TUSC3: variants seen among roughly 807,000 people sequenced by gnomAD.
The protein encoded by TUSC3 is dolichyl-diphosphooligosaccharide--protein glycosyltransferase subunit TUSC3.
TUSC3 carries 45 observed loss-of-function variants against 44.8 expected under a neutral mutation model. That is an observed-to-expected ratio of 1.00 (90% CI 0.79 to 1.29). The LOEUF (loss-of-function observed/expected upper bound fraction) is 1.29. Among genes scored for constraint, TUSC3 ranks in the 50% most tolerant of loss-of-function variants. The pLI is 0.00. For synonymous variants in TUSC3, 212 were observed against 152.9 expected (o/e 1.39, Z -2.85); for missense variants, 519 against 437.9 (o/e 1.19, Z -1.65).
At chr8:15,421,226 C>T (rs759274542) in intron 1 of TUSC3, among the ~76,000 whole-genome samples, 6 of 152,180 alleles carry the variant, frequency 3.9e-5, no homozygotes, top group South Asian at 2.1e-4. Flanking sequence ...GCCCCTGCAA[C>T]ATCCCCCTCA....
At chr8:15,762,798 C>T (rs1042661977) in intron 10 of TUSC3, among the ~76,000 whole-genome samples, 8 of 152,044 alleles carry the variant, frequency 5.3e-5, no homozygotes, top group Non-Finnish European at 1.2e-4. Flanking sequence ...TGCCACAGTT[C>T]ATGTACAGCT....
the TUSC3 span, among the ~76,000 whole-genome samples, chr8:15,845,004 A>G: frequency 1.3e-5 from 2 of 152,190 alleles, no homozygotes; most frequent in East Asian, 1.9e-4. Flanking sequence ...CAATAGAAAC[A>G]GCAGAACAGA....
chr8:15,505,876 G>GA (rs2129127612), intron 2 of TUSC3, among the ~76,000 whole-genome samples: 1 of 152,204 alleles, frequency 6.6e-6, no homozygotes, highest in South Asian at 2.1e-4. Flanking sequence ...CTTGGATACA[G>GA]AATCTCTGTA....
At chr8:15,511,559 A>G (rs890922423) in intron 2 of TUSC3, among the ~76,000 whole-genome samples, 1 of 152,162 alleles carries the variant, frequency 6.6e-6, no homozygotes, top group African/African-American at 2.4e-5. Flanking sequence ...CTAAATACAG[A>G]TAAATTTGAT....
chr8:15,567,301 GTTTC>G (rs1802712818), intron 1 of TUSC3, among the ~76,000 whole-genome samples: 1 of 152,088 alleles, frequency 6.6e-6, no homozygotes, highest in Non-Finnish European at 1.5e-5. Flanking sequence ...CTAACTTACT[GTTTC>G]TTTACTTAGC....
intron 1 of TUSC3, among the ~76,000 whole-genome samples, chr8:15,611,773 T>A (rs561548487): frequency 6.6e-6 from 1 of 152,200 alleles, no homozygotes; most frequent in South Asian, 2.1e-4. Flanking sequence ...GTGCTTAATC[T>A]CTGATTTTTT....
At chr8:15,696,768 C>A (rs546403181) in intron 6 of TUSC3, among the ~76,000 whole-genome samples, 1 of 152,218 alleles carries the variant, frequency 6.6e-6, no homozygotes, top group African/African-American at 2.4e-5. Flanking sequence ...TTGGTTATGT[C>A]TTTTCCTGGT....
intron 6 of TUSC3, among the ~76,000 whole-genome samples, chr8:15,696,277 A>T (rs1809160497): frequency 6.6e-6 from 1 of 152,192 alleles, no homozygotes; most frequent in Admixed American, 6.5e-5. Context: ...GCCAAGGTAC[A>T]GCTCGGGATG....
intron 2 of TUSC3, among the ~76,000 whole-genome samples, chr8:15,638,634 C>G (rs1406875799): frequency 1.3e-5 from 2 of 148,782 alleles, no homozygotes; most frequent in African/African-American, 4.9e-5. Flanking sequence ...CAAGTGATTC[C>G]CCTGCTGCAG....
At chr8:15,779,592 A>G in the TUSC3 span, among the ~76,000 whole-genome samples, 1 of 152,214 alleles carries the variant, frequency 6.6e-6, no homozygotes, top group Non-Finnish European at 1.5e-5. Context: ...CAATATTAAT[A>G]TGTTCTTACA....
At chr8:15,444,765 AG>A (rs1800069680) in intron 1 of TUSC3, among the ~76,000 whole-genome samples, 1 of 102,390 alleles carries the variant, frequency 9.8e-6, no homozygotes, top group Non-Finnish European at 2.6e-5. Context: ...TTATATGTAT[AG>A]AAAAAAAAAT....
intron 1 of TUSC3, among the ~76,000 whole-genome samples, chr8:15,588,210 A>G (rs938598504): frequency 1.3e-5 from 2 of 152,054 alleles, no homozygotes; most frequent in Non-Finnish European, 2.9e-5. Flanking sequence ...TTTTCTCCAC[A>G]TCCTCATCAG....
At chr8:15,737,984 C>T (rs1811007605) in intron 7 of TUSC3, among the ~76,000 whole-genome samples, 1 of 152,164 alleles carries the variant, frequency 6.6e-6, no homozygotes. Context: ...CTCAACTCAA[C>T]TCCTAAAGGC....
intron 1 of TUSC3, among the ~76,000 whole-genome samples, chr8:15,441,904 A>T (rs1161406194): frequency 6.6e-6 from 1 of 152,190 alleles, no homozygotes; most frequent in Non-Finnish European, 1.5e-5. Context: ...TGGATCTTGT[A>T]TTCATTTTAA....
chr8:15,682,984 C>T lies in TUSC3; in HGVS notation c.798+9148C>T, dbSNP rs577456616. 4.9e-4 allele frequency among the ~76,000 whole-genome samples: 74 copies of T among 152,216 alleles called. 1 individual carries two copies. The South Asian group carries it at 0.014, about 29-fold the overall frequency. On this transcript the variant is annotated intron_variant, in intron 6 of 10. Coordinates refer to ENST00000503731, the MANE Select transcript of TUSC3 (RefSeq NM_006765.4). Reference sequence around the variant, plus strand: ...GAATTCTAAAAGCAGGCCCCATTCTCTTCTGGCTTGTATGTTTTCTGATAG... The same window carrying T: ...GAATTCTAAAAGCAGGCCCCATTCTTTTCTGGCTTGTATGTTTTCTGATAG...
intron 1 of TUSC3, among the ~76,000 whole-genome samples, chr8:15,570,394 A>G (rs987432040): frequency 6.6e-6 from 1 of 152,118 alleles, no homozygotes; most frequent in South Asian, 2.1e-4. Context: ...TTTGGTTTGA[A>G]ATAAGTTGCA....
chr8:15,840,206 A>T, the TUSC3 span, among the ~76,000 whole-genome samples: 2 of 152,070 alleles, frequency 1.3e-5, no homozygotes, highest in East Asian at 1.9e-4. Flanking sequence ...GAAGGGGAAC[A>T]TCACACACTG....
chr8:15,596,820 C>T (rs1303426470), intron 1 of TUSC3, among the ~76,000 whole-genome samples: 1 of 151,924 alleles, frequency 6.6e-6, no homozygotes, highest in Non-Finnish European at 1.5e-5. Flanking sequence ...TCTCCCTTCC[C>T]TAAATGTTTT....
intron 2 of TUSC3, among the ~76,000 whole-genome samples, chr8:15,635,070 C>T (rs1437054352): frequency 1.3e-5 from 2 of 151,448 alleles, no homozygotes; most frequent in Non-Finnish European, 2.9e-5. Flanking sequence ...TTTTTTTTCC[C>T]CCCAAAGGTA....
Sources: gnomAD v4.1 joint callset for allele counts (sites outside exome capture counted in the v4.1 genomes callset) on GRCh38, gnomAD v4.1.1 for gene constraint, MANE v1.5 for transcripts, NCBI Gene and HGNC (gene_info 2026-07-23, HGNC 2026-07-21) for gene names.